LRRTM4: variants seen among roughly 807,000 people sequenced by gnomAD.
The protein encoded by LRRTM4 is leucine rich repeat transmembrane neuronal 4.
LRRTM4 carries 25 observed loss-of-function variants against 47.6 expected under a neutral mutation model. The observed-to-expected ratio is 0.53, with a 90% confidence interval of 0.38 to 0.73. The LOEUF (loss-of-function observed/expected upper bound fraction) is 0.73. Among genes scored for constraint, LRRTM4 ranks in the 30% least tolerant of loss-of-function variants. The pLI is 0.00. For missense variants in LRRTM4, 638 were observed against 713.4 expected (o/e 0.89, Z 1.20); for synonymous variants, 311 against 269.5 (o/e 1.15, Z -1.51).
Position 76,833,093 on chromosome 2 carries a change from C to T in LRRTM4, c.1552-84177G>A, listed in dbSNP as rs143057995. 8.4e-3 allele frequency among the ~76,000 whole-genome samples: 1,282 copies of T among 152,024 alleles called. 5 individuals carry two copies. Among genetic ancestry groups the T allele is most frequent in the Middle Eastern group, 0.031 (9 of 294 alleles). On this transcript the variant is annotated intron_variant, in intron 3 of 3. Coordinates refer to ENST00000409884, the MANE Select transcript of LRRTM4 (RefSeq NM_001134745.3). ...TGTTAGCTATTTACATGGAACTGTG[C>T]GTGAAATACAAATCTGGAACTTGGG...
rs192600648 is a variant in LRRTM4 at position 76,901,540 on chromosome 2, G to T, written c.1552-152624C>A. Among the ~76,000 whole-genome samples, 9 of 151,916 alleles carry T rather than the reference G, an allele frequency of 5.9e-5. No homozygotes were observed. The South Asian group carries it at 1.9e-3, about 32-fold the overall frequency. On this transcript the variant is annotated intron_variant, in intron 3 of 3. Transcript: ENST00000409884. ...CATTCCCGCCCATTTTGCTGACCAT[G>T]GAAGGCTCAGAGAAAACCTCTTAGT...
chr2:77,088,300 A>C (rs1680795497), intron 3 of LRRTM4, among the ~76,000 whole-genome samples: 1 of 152,174 alleles, frequency 6.6e-6, no homozygotes, highest in African/African-American at 2.4e-5. Context: ...GCCTGAAGTA[A>C]CTTAAGAATC....
chr2:77,509,507 A>C (rs1238193306), intron 3 of LRRTM4, among the ~76,000 whole-genome samples: 1 of 152,140 alleles, frequency 6.6e-6, no homozygotes, highest in Admixed American at 6.6e-5. Context: ...AAGGGACGGA[A>C]AGGTCATGTT....
Position 77,143,993 on chromosome 2 carries a change from T to A in LRRTM4, c.1551+374325A>T, listed in dbSNP as rs567857850. On this transcript the variant is annotated intron_variant, in intron 3 of 3. Transcript: ENST00000409884. ...CAGATTGAGAGACAGAGATTAATAT[T>A]TATAATATTTATTAGGAAATGTCTC... 3.9e-5 allele frequency among the ~76,000 whole-genome samples: 6 copies of A among 152,264 alleles called. No individual in the cohort carries two copies. The East Asian group carries it at 1.2e-3, about 29-fold the overall frequency.
At chr2:76,857,503 G>T (rs1192501145) in intron 3 of LRRTM4, among the ~76,000 whole-genome samples, 1 of 151,820 alleles carries the variant, frequency 6.6e-6, no homozygotes, top group Admixed American at 6.6e-5. Context: ...GTTATATATG[G>T]ATTTTTGACT....
intron 3 of LRRTM4, among the ~76,000 whole-genome samples, chr2:77,165,142 T>C (rs569292836): frequency 2.6e-4 from 40 of 152,238 alleles, no homozygotes; most frequent in African/African-American, 9.4e-4. Context: ...TCACCACTGA[T>C]CACACAGAAA....
intron 3 of LRRTM4, among the ~76,000 whole-genome samples, chr2:76,907,037 T>C (rs1438232039): frequency 3.9e-5 from 6 of 152,062 alleles, no homozygotes. Context: ...CAACACAATA[T>C]ACATTTTTTT....
intron 3 of LRRTM4, among the ~76,000 whole-genome samples, chr2:77,019,275 A>AAT (rs1553445693): frequency 2.3e-3 from 345 of 150,852 alleles, no homozygotes; most frequent in African/African-American, 7.9e-3. Flanking sequence ...AAAAAAAAAA[A>AAT]ATATAAGAAG....
intron 3 of LRRTM4, among the ~76,000 whole-genome samples, chr2:77,259,425 A>C (rs573370070): frequency 1.3e-5 from 2 of 152,190 alleles, no homozygotes; most frequent in African/African-American, 4.8e-5. Flanking sequence ...ATTATTTATA[A>C]TTTTAATTCA....
intron 3 of LRRTM4, among the ~76,000 whole-genome samples, chr2:77,167,418 T>C (rs902820119): frequency 1.3e-5 from 2 of 152,078 alleles, no homozygotes; most frequent in Non-Finnish European, 2.9e-5. Context: ...TCTAGAACTA[T>C]AAATGCCATT....
chr2:76,810,605 C>T (rs972383665), intron 3 of LRRTM4, among the ~76,000 whole-genome samples: 1 of 152,084 alleles, frequency 6.6e-6, no homozygotes, highest in African/African-American at 2.4e-5. Flanking sequence ...AAATATGTTC[C>T]TTTTGCCAAG....
intron 3 of LRRTM4, among the ~76,000 whole-genome samples, chr2:77,450,093 A>C (rs1676199869): frequency 6.6e-6 from 1 of 152,172 alleles, no homozygotes; most frequent in Non-Finnish European, 1.5e-5. Flanking sequence ...TATATCAAAT[A>C]AATCTTTAGT....
At chr2:76,968,385 C>CACACAT (rs1558767929) in intron 3 of LRRTM4, among the ~76,000 whole-genome samples, 2 of 79,626 alleles carry the variant, frequency 2.5e-5, no homozygotes, top group East Asian at 8.5e-4. Context: ...TATATATATA[C>CACACAT]ACATACATAC....
chr2:77,472,147 G>T lies in LRRTM4; in HGVS notation c.1551+46171C>A, dbSNP rs549016934. ...TTTTGTGCTTTATGTTGGTGATTTT[G>T]TTATTTGAAATGGCCCCTAAGTGTA... On this transcript the variant is annotated intron_variant, in intron 3 of 3. Coordinates refer to ENST00000409884, the MANE Select transcript of LRRTM4 (RefSeq NM_001134745.3). 9.3e-4 allele frequency among the ~76,000 whole-genome samples: 141 copies of T among 152,226 alleles called. 1 individual carries two copies. The highest frequency in any genetic ancestry group is 3.3e-3 in the African/African-American group (139 of 41,548).
chr2:76,748,224 TAAATG>T lies in LRRTM4; in HGVS notation c.*466_*470del, dbSNP rs1324362285. On this transcript the variant is annotated 3_prime_UTR_variant, in exon 4 of 4. Coordinates refer to ENST00000409884, the MANE Select transcript of LRRTM4 (RefSeq NM_001134745.3). ...ACAAACAGCATTTTTAAAGAAAAAA[TAAATG>T]AAAGCAATTTAAATAAAATCTGTGA... 9 of 153,466 alleles carry T rather than the reference TAAATG, an allele frequency of 5.9e-5. No individual in the cohort carries two copies. Among genetic ancestry groups the T allele is most frequent in the African/African-American group, 2.2e-4 (9 of 41,370 alleles). The allele number at this position is 153,466 out of a possible 1,614,324, so 9.5% of individuals were successfully genotyped here. A position where few individuals can be genotyped will look rare whatever the true frequency, so the allele number is the denominator to read the frequency against.
At chr2:77,381,232 T>C (rs529046928) in intron 3 of LRRTM4, among the ~76,000 whole-genome samples, 88 of 152,208 alleles carry the variant, frequency 5.8e-4, no homozygotes, top group African/African-American at 2.1e-3. Flanking sequence ...TAAATTATTA[T>C]TAATATATTG....
intron 3 of LRRTM4, among the ~76,000 whole-genome samples, chr2:77,313,108 C>T (rs1677504701): frequency 6.6e-6 from 1 of 152,226 alleles, no homozygotes; most frequent in Non-Finnish European, 1.5e-5. Flanking sequence ...AAACAGCCTG[C>T]TGGGACCTCG....
intron 3 of LRRTM4, among the ~76,000 whole-genome samples, chr2:77,135,500 T>G (rs1671911348): frequency 1.3e-5 from 2 of 152,216 alleles, no homozygotes; most frequent in African/African-American, 4.8e-5. Context: ...TAAATATCAA[T>G]GTTATCAGTG....
intron 3 of LRRTM4, among the ~76,000 whole-genome samples, chr2:76,866,429 T>C (rs1672470598): frequency 6.6e-6 from 1 of 152,206 alleles, no homozygotes; most frequent in African/African-American, 2.4e-5. Context: ...AATTTCCTTA[T>C]GACTCGGCAA....
Sources: gnomAD v4.1 joint callset for allele counts (sites outside exome capture counted in the v4.1 genomes callset) on GRCh38, gnomAD v4.1.1 for gene constraint, MANE v1.5 for transcripts, NCBI Gene and HGNC (gene_info 2026-07-23, HGNC 2026-07-21) for gene names.